The following CUX2 variants were observed in gnomAD, a reference collection of about 807,000 sequenced individuals.
CUX2 encodes the protein homeobox protein cut-like 2.
Under a neutral mutation model 144.8 loss-of-function variants are expected in CUX2, and 40 were observed. The observed-to-expected ratio is 0.28, with a 90% CI of 0.21 to 0.36. The LOEUF (loss-of-function observed/expected upper bound fraction) is 0.36, where lower values mean the gene tolerates loss of function less well. Ranked by LOEUF, CUX2 falls within the 10% of genes least tolerant of loss-of-function variation. The pLI is 1.00. For synonymous variants in CUX2, 827 were observed against 875.6 expected, an observed-to-expected ratio of 0.94 and a Z score of 0.98; for missense variants, 1,615 against 1,994.0, an observed-to-expected ratio of 0.81 and a Z score of 3.62.
chr12:111,325,079 A>G (rs1277293363), intron 18 of CUX2, among the ~76,000 whole-genome samples: 1 of 151,220 alleles, frequency 6.6e-6, no homozygotes, highest in African/African-American at 2.4e-5. Context: ...AGGTCAGGAG[A>G]TTGAGACCAT....
chr12:111,191,328 T>C (rs1396605617), intron 1 of CUX2, among the ~76,000 whole-genome samples: 3 of 151,020 alleles, frequency 2.0e-5, no homozygotes, highest in Non-Finnish European at 4.4e-5. Context: ...TTTATTTATT[T>C]ATTTATTTAT....
At chr12:111,082,077 T>C (rs1216235755) in intron 1 of CUX2, among the ~76,000 whole-genome samples, 1 of 152,176 alleles carries the variant, frequency 6.6e-6, no homozygotes, top group Admixed American at 6.5e-5. Context: ...AAGGAGGATT[T>C]TAGGTTTTCA....
At chr12:111,309,378 C>T (rs1435087575) in intron 14 of CUX2, among the ~76,000 whole-genome samples, 1 of 152,176 alleles carries the variant, frequency 6.6e-6, no homozygotes, top group African/African-American at 2.4e-5. Flanking sequence ...GTGGCAAGTT[C>T]GACTTCCCAC....
At chr12:111,184,358 A>G (rs1879376320) in intron 1 of CUX2, among the ~76,000 whole-genome samples, 1 of 152,052 alleles carries the variant, frequency 6.6e-6, no homozygotes, top group Admixed American at 6.5e-5. Context: ...CTAAGTGTCT[A>G]TGAGTGGGGA....
chr12:111,341,850 G>A lies in CUX2; in HGVS notation c.3456G>A (p.Glu1152=). Residue 1152 remains glutamate, a synonymous_variant, in exon 21 of 22, where the codon GAG becomes GAA. Transcript: ENST00000261726. The part of the protein sequence containing the change: ...SDSESPATRS[E]CPSPCLQPQD... ...GTGAGTCCCCGGCCACCCGCTCAGA[G>A]TGCCCCAGCCCCTGCCTGCAGCCCC... The A allele has an allele frequency of 6.2e-7, 1 of 1,613,734 alleles. No homozygotes were observed. Among genetic ancestry groups the A allele is most frequent in the Non-Finnish European group, 8.5e-7 (1 of 1,179,982 alleles).
intron 18 of CUX2, among the ~76,000 whole-genome samples, chr12:111,324,286 T>A (rs1592968531): frequency 6.8e-6 from 1 of 147,524 alleles, no homozygotes; most frequent in South Asian, 2.2e-4. Flanking sequence ...GAGGCAGAGG[T>A]TGCAGTTGAA....
intron 3 of CUX2, among the ~76,000 whole-genome samples, chr12:111,243,496 C>CTTTTTTTTT (rs761276935): frequency 6.2e-5 from 5 of 80,028 alleles, no homozygotes; most frequent in African/African-American, 1.8e-4. Context: ...GTTGATGTGC[C>CTTTTTTTTT]TTTTTTTTTT....
At chr12:111,102,389 T>C (rs1051613029) in intron 1 of CUX2, among the ~76,000 whole-genome samples, 1 of 152,154 alleles carries the variant, frequency 6.6e-6, no homozygotes, top group Non-Finnish European at 1.5e-5. Context: ...CGAGACTGTT[T>C]TGTGCACTTG....
chr12:111,239,362 A>C (rs1882910551), intron 3 of CUX2, among the ~76,000 whole-genome samples: 2 of 152,202 alleles, frequency 1.3e-5, no homozygotes, highest in African/African-American at 4.8e-5. Flanking sequence ...CCACAGTGAT[A>C]ATTGCCTTGC....
Position 111,217,956 on chromosome 12 carries a change from A to G in CUX2, c.222+19A>G. On this transcript the variant is annotated intron_variant, in intron 3 of 21. Coordinates refer to ENST00000261726, the MANE Select transcript of CUX2 (RefSeq NM_015267.4). ...AGCCGAGGTAAGACCCAGGGCCCAC[A>G]GCATGTCAGAAAAGTGCCCCCAATG... The G allele has an allele frequency of 6.2e-7, 1 of 1,613,768 alleles. No homozygotes were observed. The highest frequency in any genetic ancestry group is 8.5e-7 in the Non-Finnish European group (1 of 1,180,004).
At chr12:111,205,165 A>G (rs1880842952) in intron 1 of CUX2, among the ~76,000 whole-genome samples, 1 of 151,032 alleles carries the variant, frequency 6.6e-6, no homozygotes, top group Non-Finnish European at 1.5e-5. Context: ...TTGTCTCCTC[A>G]CTTATGGCAG....
intron 1 of CUX2, among the ~76,000 whole-genome samples, chr12:111,194,112 T>C (rs1486676807): frequency 6.6e-6 from 1 of 152,156 alleles, no homozygotes; most frequent in African/African-American, 2.4e-5. Context: ...GCCTTGTCAC[T>C]AAAGCGAATC....
At chr12:111,200,518 G>C (rs186313525) in intron 1 of CUX2, among the ~76,000 whole-genome samples, 1 of 151,946 alleles carries the variant, frequency 6.6e-6, no homozygotes, top group African/African-American at 2.4e-5. Context: ...GTGGAGTGCT[G>C]GGGGGAGGCT....
intron 3 of CUX2, among the ~76,000 whole-genome samples, chr12:111,218,353 A>G (rs1258816649): frequency 1.3e-5 from 2 of 151,892 alleles, no homozygotes; most frequent in Non-Finnish European, 2.9e-5. Flanking sequence ...CATCTCTACA[A>G]AAAAATTTAA....
At chr12:111,135,262 A>G (rs1471168787) in intron 1 of CUX2, among the ~76,000 whole-genome samples, 1 of 152,132 alleles carries the variant, frequency 6.6e-6, no homozygotes, top group Non-Finnish European at 1.5e-5. Flanking sequence ...GGTAGAGCTC[A>G]TGCAGTTTTA....
At chr12:111,303,221 GAAAAAA>G (rs5800927) in intron 9 of CUX2, among the ~76,000 whole-genome samples, 21 of 49,386 alleles carry the variant, frequency 4.3e-4, no homozygotes, top group East Asian at 1.5e-3. Context: ...ACCCTGTCTC[GAAAAAA>G]AAAAAAAAAA....
intron 1 of CUX2, among the ~76,000 whole-genome samples, chr12:111,162,576 A>C (rs1191242761): frequency 6.6e-6 from 1 of 152,250 alleles, no homozygotes; most frequent in Non-Finnish European, 1.5e-5. Context: ...ATGATGGGAC[A>C]GTGCTGAACA....
At chr12:111,144,572 C>T (rs1876541652) in intron 1 of CUX2, among the ~76,000 whole-genome samples, 1 of 152,206 alleles carries the variant, frequency 6.6e-6, no homozygotes, top group African/African-American at 2.4e-5. Flanking sequence ...GCACATATCA[C>T]AGTGGGGGAC....
chr12:111,191,107 C>T (rs1015067574), intron 1 of CUX2, among the ~76,000 whole-genome samples: 7 of 152,148 alleles, frequency 4.6e-5, no homozygotes, highest in African/African-American at 1.7e-4. Flanking sequence ...ACGCCACTCA[C>T]AGATCTTGTG....
Sources: allele counts gnomAD v4.1 joint callset (sites outside exome capture counted in the v4.1 genomes callset), GRCh38; gene constraint gnomAD v4.1.1; transcripts MANE v1.5; gene names NCBI Gene and HGNC (gene_info 2026-07-23, HGNC 2026-07-21).